Variants in ADSL observed in about 807,000 individuals in gnomAD.
ADSL encodes adenylosuccinate lyase.
Under a neutral mutation model 62.1 loss-of-function variants are expected in ADSL, and 44 were observed. That is an observed-to-expected ratio of 0.71 (90% CI 0.56 to 0.91). The LOEUF (loss-of-function observed/expected upper bound fraction) is 0.91, where lower values mean the gene tolerates loss of function less well. Ranked by LOEUF, ADSL falls within the 40% of genes least tolerant of loss-of-function variation. The pLI is 0.00. For missense variants in ADSL, 531 were observed against 627.4 expected (o/e 0.85, Z 1.64); for synonymous variants, 198 against 220.5 (o/e 0.90, Z 0.90).
chr22:40,347,831 TTAA>T (rs1310021960), intron 1 of ADSL, among the ~76,000 whole-genome samples: 5 of 152,238 alleles, frequency 3.3e-5, no homozygotes, highest in Middle Eastern at 3.2e-3. Flanking sequence ...AAGCATCAAC[TTAA>T]TAAACTCTTG....
chr22:40,353,398 C>G, intron 3 of ADSL: 1 of 702,284 alleles, frequency 1.4e-6, no homozygotes, highest in South Asian at 1.5e-5. Context: ...GCTCAGACAG[C>G]TCTCCTGTCT....
At chr22:40,376,859 GAC>G (rs1864624849) in intron 2 of ADSL, among the ~76,000 whole-genome samples, 1 of 152,136 alleles carries the variant, frequency 6.6e-6, no homozygotes, top group African/African-American at 2.4e-5. Context: ...AAATGGCTGT[GAC>G]AAGCATTTAC....
intron 1 of ADSL, among the ~76,000 whole-genome samples, chr22:40,347,110 G>GT (rs2044172737): frequency 6.6e-6 from 1 of 152,226 alleles, no homozygotes; most frequent in African/African-American, 2.4e-5. Flanking sequence ...GCTTGATGGT[G>GT]TTTTTCCCAC....
chr22:40,379,675 C>G (rs1439784882), intron 2 of ADSL, among the ~76,000 whole-genome samples: 1 of 152,092 alleles, frequency 6.6e-6, no homozygotes, highest in Non-Finnish European at 1.5e-5. Flanking sequence ...CTGTAGTTAT[C>G]TCTTTATTTC....
At chr22:40,350,555 C>T (rs2044306841) in intron 2 of ADSL, among the ~76,000 whole-genome samples, 1 of 152,184 alleles carries the variant, frequency 6.6e-6, no homozygotes, top group Non-Finnish European at 1.5e-5. Flanking sequence ...CCTGCTTATG[C>T]ATTGGTTTGC....
chr22:40,376,743 C>T (rs1219506605), intron 2 of ADSL, among the ~76,000 whole-genome samples: 3 of 151,930 alleles, frequency 2.0e-5, no homozygotes, highest in Non-Finnish European at 4.4e-5. Flanking sequence ...TAGTCTGACT[C>T]TAGAGTTTAT....
At chr22:40,359,140 G>A in intron 5 of ADSL, 105 bp downstream of exon 5, 2 of 1,585,432 alleles carry the variant, frequency 1.3e-6, no homozygotes, top group Non-Finnish European at 1.7e-6. Context: ...GATGGGTGGG[G>A]TCTTTCGACT....
Position 40,356,447 on chromosome 22 carries a change from A to AT in ADSL, c.482+2121dup, listed in dbSNP as rs2044560922. On this transcript the variant is annotated intron_variant, in intron 4 of 12. Coordinates refer to ENST00000623063, the MANE Select transcript of ADSL (RefSeq NM_000026.4). Reference sequence around the variant, plus strand: ...CTACTCAGGAGGCTGAGGCAGGAGAATCACTTGAACCCCGGAGGCAGAGGT... The same window carrying AT: ...CTACTCAGGAGGCTGAGGCAGGAGAATTCACTTGAACCCCGGAGGCAGAGGT... Among the ~76,000 whole-genome samples, 3 of 149,172 alleles carry AT rather than the reference A, an allele frequency of 2.0e-5. No individual in the cohort carries two copies. The South Asian group carries it at 6.5e-4, about 32-fold the overall frequency.
intron 6 of ADSL, 23 bp downstream of exon 6, chr22:40,359,329 G>T: frequency 1.2e-6 from 2 of 1,612,498 alleles, no homozygotes; most frequent in African/African-American, 1.3e-5. Context: ...GAATGTGTTG[G>T]CCTCCCTGTT....
At chr22:40,354,204 C>G in intron 3 of ADSL, 44 bp from the exon 4 acceptor site, 1 of 1,523,950 alleles carries the variant, frequency 6.6e-7, no homozygotes, top group Non-Finnish European at 9.1e-7. Context: ...GTAATGAACA[C>G]AACCTGAATT....
chr22:40,379,331 C>T (rs1187068763), intron 2 of ADSL: 1 of 152,392 alleles, frequency 6.6e-6, no homozygotes, highest in African/African-American at 2.4e-5. Context: ...GAATATCTAG[C>T]TCATGCTGTC....
chr22:40,364,755 C>G, intron 11 of ADSL, 125 bp from the exon 12 acceptor site: 2 of 1,006,876 alleles, frequency 2.0e-6, no homozygotes, highest in Non-Finnish European at 3.1e-6. Flanking sequence ...CAGGAACCAC[C>G]TCAGCCTAGA....
At chr22:40,353,238 A>G (rs1448105327) in intron 3 of ADSL, 121 bp downstream of exon 3, 6 of 780,830 alleles carry the variant, frequency 7.7e-6, no homozygotes, top group East Asian at 5.0e-5. Context: ...TTTCAGGTGA[A>G]TGACAACCCT....
chr22:40,368,724 C>T lies in ADSL; in HGVS notation c.*2202C>T, dbSNP rs972083511. The T allele has an allele frequency of 4.6e-5, 7 of 152,072 alleles. No individual in the cohort carries two copies. The highest frequency in any genetic ancestry group is 6.6e-5 in the Admixed American group (1 of 15,240). The allele number at this position is 152,072 out of a possible 1,614,324, so 9.4% of individuals were successfully genotyped here. A position where few individuals can be genotyped will look rare whatever the true frequency, so the allele number is the denominator to read the frequency against. The stretch of plus-strand genomic sequence containing the variant: ...GGTGGATCACCTGAGGTCAGGAGTT[C>T]GAGACCAGCTTGACCGACAAGGTGA... On this transcript the variant is annotated 3_prime_UTR_variant, in exon 13 of 13. Transcript: ENST00000623063.
In ADSL at chr22:40,363,168, C is replaced by T. The variant is rs192320668; in HGVS notation, c.1101+97C>T. 2.8e-3 allele frequency: 3,227 copies of T among 1,148,120 alleles called. 9 individuals are homozygous for T. Among genetic ancestry groups the T allele is most frequent in the Non-Finnish European group, 3.0e-3 (2,314 of 761,986 alleles). 71.1% of individuals were successfully genotyped at this position (1,148,120 alleles called of 1,614,324 possible). A position where few individuals can be genotyped will look rare whatever the true frequency, so the allele number is the denominator to read the frequency against. ...GTGTTGAGGGAGCTGTATTCTGATC[C>T]GATAGGCATTCTTCCCACCCGAGCT... On this transcript the variant is annotated intron_variant, in intron 10 of 12. Transcript: ENST00000623063.
intron 3 of ADSL, chr22:40,354,018 G>A (rs2044454215): frequency 3.8e-5 from 22 of 585,564 alleles, no homozygotes; most frequent in South Asian, 1.4e-4. Context: ...TTTTTCTGCC[G>A]TGGTCTTAAA....
At chr22:40,364,641 T>C (rs2044930170) in intron 11 of ADSL, 2 of 628,110 alleles carry the variant, frequency 3.2e-6, no homozygotes, top group Admixed American at 5.1e-5. Context: ...GAGCAAATGA[T>C]TCATGAGGCT....
chr22:40,386,945 TTTTAG>T (rs1463332583), intron 2 of ADSL, among the ~76,000 whole-genome samples: 1 of 152,170 alleles, frequency 6.6e-6, no homozygotes, highest in African/African-American at 2.4e-5. Flanking sequence ...AAAAAATTTT[TTTTAG>T]TTGCTTTGTG....
chr22:40,374,891 A>G (rs2046295662), intron 2 of ADSL, among the ~76,000 whole-genome samples: 1 of 152,186 alleles, frequency 6.6e-6, no homozygotes, highest in African/African-American at 2.4e-5. Flanking sequence ...CCTCAAACAA[A>G]CACATTGTAC....
Sources: allele counts gnomAD v4.1 joint callset (sites outside exome capture counted in the v4.1 genomes callset), GRCh38; gene constraint gnomAD v4.1.1; transcripts MANE v1.5; gene names NCBI Gene and HGNC (gene_info 2026-07-23, HGNC 2026-07-21).